PIK3CB: variants seen among roughly 807,000 people sequenced by gnomAD.
PIK3CB encodes phosphatidylinositol-4,5-bisphosphate 3-kinase catalytic subunit beta, also known as phosphatidylinositol 4,5-bisphosphate 3-kinase catalytic subunit beta isoform.
PIK3CB carries 39 observed loss-of-function variants against 136.8 expected under a neutral mutation model. That is an observed-to-expected ratio of 0.29 (90% CI 0.22 to 0.37). The LOEUF is 0.37. PIK3CB is among the 10% of genes least tolerant of loss of function. The pLI is 1.00. For synonymous variants in PIK3CB, 428 were observed against 436.6 expected (o/e 0.98, Z 0.25); for missense variants, 868 against 1,275.4 (o/e 0.68, Z 4.87).
At chr3:138,782,299 G>C (rs1160704363) in intron 2 of PIK3CB, among the ~76,000 whole-genome samples, 1 of 152,188 alleles carries the variant, frequency 6.6e-6, no homozygotes, top group African/African-American at 2.4e-5. Flanking sequence ...AGAAGGAGAA[G>C]ACAATGATTA....
chr3:138,815,162 A>AAT (rs1553743710), intron 1 of PIK3CB, among the ~76,000 whole-genome samples: 714 of 62,402 alleles, frequency 0.011, 43 homozygotes, highest in African/African-American at 0.042. Context: ...AAAAAAAAAA[A>AAT]ATATATATAT....
chr3:138,684,135 G>C (rs1406365840), intron 17 of PIK3CB, among the ~76,000 whole-genome samples: 1 of 152,156 alleles, frequency 6.6e-6, no homozygotes, highest in Non-Finnish European at 1.5e-5. Flanking sequence ...GAACTATTTT[G>C]AGACCATTCT....
chr3:138,707,741 G>A, intron 10 of PIK3CB: 1 of 168,520 alleles, frequency 5.9e-6, no homozygotes, highest in Non-Finnish European at 1.2e-5. Flanking sequence ...TAACGATAAT[G>A]CTCTTTATTA....
intron 11 of PIK3CB, among the ~76,000 whole-genome samples, chr3:138,706,139 G>T (rs1476826490): frequency 6.6e-6 from 1 of 152,202 alleles, no homozygotes; most frequent in Admixed American, 6.5e-5. Flanking sequence ...CCCAGTACCA[G>T]GGATGCTGAG....
At chr3:138,677,762 G>A (rs2043678982) in intron 19 of PIK3CB, among the ~76,000 whole-genome samples, 1 of 152,076 alleles carries the variant, frequency 6.6e-6, no homozygotes, top group Non-Finnish European at 1.5e-5. Context: ...AGGCATGGTG[G>A]CACATTCCTA....
intron 4 of PIK3CB, among the ~76,000 whole-genome samples, chr3:138,748,873 T>G (rs1345220432): frequency 6.6e-6 from 1 of 152,222 alleles, no homozygotes; most frequent in African/African-American, 2.4e-5. Context: ...ATAAAATTAA[T>G]CTATACTATA....
chr3:138,653,005 A>G lies in PIK3CB; in HGVS notation c.*2384T>C. ...ATAGATTAACAACAATGAAACTTAC[A>G]ATAAAGTCACTTACCCAGGAATCTA... On this transcript the variant is annotated 3_prime_UTR_variant, in exon 24 of 24. Transcript: ENST00000674063. 4.7e-6 allele frequency: 1 copy of G among 211,570 alleles called. No homozygotes were observed. The highest frequency in any genetic ancestry group is 9.6e-6 in the Non-Finnish European group (1 of 104,478). The allele number at this position is 211,570 out of a possible 1,614,324, so 13.1% of individuals were successfully genotyped here.
At chr3:138,825,320 T>G (rs1933735086) in intron 1 of PIK3CB, 2 of 502,190 alleles carry the variant, frequency 4.0e-6, no homozygotes, top group African/African-American at 1.9e-5. Flanking sequence ...AATTTAAAGC[T>G]GGTATCTCCA....
chr3:138,751,100 A>G (rs984006023), intron 4 of PIK3CB, among the ~76,000 whole-genome samples: 1 of 152,214 alleles, frequency 6.6e-6, no homozygotes, highest in Non-Finnish European at 1.5e-5. Context: ...CCAATCTCTG[A>G]GCATATTCAT....
chr3:138,716,893 CAAAAA>C (rs376627250), intron 8 of PIK3CB, among the ~76,000 whole-genome samples: 1 of 11,076 alleles, frequency 9.0e-5, no homozygotes, highest in Non-Finnish European at 2.2e-4. Flanking sequence ...GATTGTGTCT[CAAAAA>C]AAAAAAAAAA....
At chr3:138,733,912 A>G (rs1414443885) in intron 7 of PIK3CB, among the ~76,000 whole-genome samples, 2 of 151,926 alleles carry the variant, frequency 1.3e-5, no homozygotes, top group African/African-American at 4.8e-5. Context: ...AAGCATTATA[A>G]CCCCTAGCAC....
chr3:138,695,440 C>A lies in PIK3CB; in HGVS notation c.1771-533G>T, dbSNP rs191846989. Among the ~76,000 whole-genome samples, 1,291 of 152,186 alleles carry A rather than the reference C, an allele frequency of 8.5e-3. 19 individuals carry two copies. Among genetic ancestry groups the A allele is most frequent in the Non-Finnish European group, 9.5e-3 (646 of 68,020 alleles). On this transcript the variant is annotated intron_variant, in intron 13 of 23. Transcript: ENST00000674063. ...TCTTGTGGATGTTAAGTTTTATTCT[C>A]CGACCAATTAAGCTTTGAGAATTCA...
chr3:138,812,132 T>C (rs1038401501), intron 1 of PIK3CB, among the ~76,000 whole-genome samples: 1 of 151,808 alleles, frequency 6.6e-6, no homozygotes, highest in Non-Finnish European at 1.5e-5. Context: ...ATTTCATTTA[T>C]ATAACATTCT....
intron 20 of PIK3CB, among the ~76,000 whole-genome samples, chr3:138,664,315 C>CATGAG (rs1472552592): frequency 3.8e-4 from 58 of 152,186 alleles, no homozygotes; most frequent in African/African-American, 1.3e-3. Context: ...GTTCACAGTA[C>CATGAG]TTAGAAGAGA....
chr3:138,708,263 CTTTTTTT>C (rs61178842), intron 10 of PIK3CB, among the ~76,000 whole-genome samples: 1,505 of 108,906 alleles, frequency 0.014, 8 homozygotes, highest in Non-Finnish European at 0.019. Flanking sequence ...TTTTCTTTTT[CTTTTTTT>C]TTTTTTTTTT....
intron 1 of PIK3CB, among the ~76,000 whole-genome samples, chr3:138,823,083 C>A (rs952564283): frequency 6.0e-5 from 9 of 150,432 alleles, no homozygotes; most frequent in African/African-American, 2.2e-4. Flanking sequence ...TTTCAGATAA[C>A]ACAATGGCAA....
Position 138,653,106 on chromosome 3 carries a change from T to C in PIK3CB, c.*2283A>G, listed in dbSNP as rs2043144334. 2.2e-5 allele frequency: 4 copies of C among 186,032 alleles called. No individual in the cohort carries two copies. The Admixed American group carries it at 2.5e-4, about 12-fold the overall frequency. The allele number at this position is 186,032 out of a possible 1,614,324, so 11.5% of individuals were successfully genotyped here. A position where few individuals can be genotyped will look rare whatever the true frequency, so the allele number is the denominator to read the frequency against. ...ATAAATGAAAGATAATCTAAATAAA[T>C]GGGTACTCCACTTACATATTTTGGA... On this transcript the variant is annotated 3_prime_UTR_variant, in exon 24 of 24. Coordinates refer to ENST00000674063, the MANE Select transcript of PIK3CB (RefSeq NM_006219.3).
Position 138,714,526 on chromosome 3 carries a change from T to C in PIK3CB, c.1244A>G (p.Lys415Arg). Residue 415 changes from lysine to arginine, a missense_variant, in exon 9 of 24, where the codon AAA becomes AGA. Around this residue, in one of 4 missense-constraint regions of PIK3CB, gnomAD observed 612 missense variants for 801.1 expected, o/e 0.76. Transcript: ENST00000674063. ...AGAGGGATTAATAGTTTTCGTTGAT[T>C]TCTTCGTTTTTACTTTATCCAAAAC... ...YAVLDKVKTK[K>R]STKTINPSKY... The C allele has an allele frequency of 6.8e-6, 11 of 1,612,396 alleles. No individual in the cohort carries two copies. Among genetic ancestry groups the C allele is most frequent in the Non-Finnish European group, 9.3e-6 (11 of 1,178,462 alleles).
At chr3:138,664,967 T>C in intron 20 of PIK3CB, 69 bp downstream of exon 20, 1 of 1,046,118 alleles carries the variant, frequency 9.6e-7, no homozygotes, top group Non-Finnish European at 1.4e-6. Context: ...TGCTGACTTC[T>C]ATTGGGAGCA....
Sources: allele counts gnomAD v4.1 joint callset (sites outside exome capture counted in the v4.1 genomes callset), GRCh38; gene constraint gnomAD v4.1.1; regional missense constraint gnomAD v4.1.1; transcripts MANE v1.5; gene names NCBI Gene and HGNC (gene_info 2026-07-23, HGNC 2026-07-21).